BMPR2: variants seen among roughly 807,000 people sequenced by gnomAD.
BMPR2 encodes the protein bone morphogenetic protein receptor type 2.
A neutral mutation model predicts 100.8 loss-of-function variants in BMPR2; 29 were observed. The ratio of observed to expected loss-of-function variants is 0.29; its 90% CI spans 0.21 to 0.39. BMPR2 has a LOEUF of 0.39. BMPR2 is among the 10% of genes least tolerant of loss of function. The probability of loss-of-function intolerance (pLI) is 1.00; values close to 1 mark genes in which losing one functional copy is unlikely to be tolerated. For synonymous variants in BMPR2, 382 were observed against 442.3 expected (o/e 0.86, Z 1.71); for missense variants, 1,011 against 1,274.5 (o/e 0.79, Z 3.15).
chr2:202,455,643 G>GT (rs1476896076), intron 1 of BMPR2, among the ~76,000 whole-genome samples: 1 of 152,150 alleles, frequency 6.6e-6, no homozygotes, highest in Non-Finnish European at 1.5e-5. Flanking sequence ...GAAGTGGAGA[G>GT]TTTTTTGTTT....
At chr2:202,524,338 G>A (rs939870287) in intron 7 of BMPR2, among the ~76,000 whole-genome samples, 2 of 151,004 alleles carry the variant, frequency 1.3e-5, no homozygotes, top group African/African-American at 4.9e-5. Context: ...CTCCAGCCTG[G>A]GCGACAGATC....
intron 9 of BMPR2, among the ~76,000 whole-genome samples, chr2:202,541,236 T>C (rs1384429680): frequency 6.6e-6 from 1 of 151,946 alleles, no homozygotes; most frequent in Non-Finnish European, 1.5e-5. Flanking sequence ...AGGGCAGAAG[T>C]ATGAGACCAG....
chr2:202,538,245 G>A (rs1283583820), intron 9 of BMPR2, among the ~76,000 whole-genome samples: 1 of 152,090 alleles, frequency 6.6e-6, no homozygotes, highest in Non-Finnish European at 1.5e-5. Flanking sequence ...TTTGAGGTCA[G>A]GAGTTCGAAA....
chr2:202,412,633 T>G (rs1691037523), intron 1 of BMPR2, among the ~76,000 whole-genome samples: 1 of 152,182 alleles, frequency 6.6e-6, no homozygotes. Flanking sequence ...CTGTTATACT[T>G]TAAAAAATAT....
chr2:202,540,436 A>T lies in BMPR2; in HGVS notation c.1277-1875A>T, dbSNP rs188125436. Among the ~76,000 whole-genome samples the T allele has an allele frequency of 5.3e-4, 80 of 152,288 alleles. 1 individual carries two copies. The highest frequency in any genetic ancestry group is 4.6e-3 in the Admixed American group (71 of 15,286). On this transcript the variant is annotated intron_variant, in intron 9 of 12. Coordinates refer to ENST00000374580, the MANE Select transcript of BMPR2 (RefSeq NM_001204.7). ...CCTTTAATTTTATCTCTCAAGTTCA[A>T]TGTTGATGTTATTGATCAACACTAA...
At position 202,377,188 on chromosome 2, in the gene BMPR2, G is replaced by T; in HGVS notation, c.-287G>T. The T allele has an allele frequency of 1.7e-6, 1 of 593,334 alleles. No individual in the cohort carries two copies. The highest frequency in any genetic ancestry group is 3.0e-6 in the Non-Finnish European group (1 of 332,876). The allele number at this position is 593,334 out of a possible 1,614,324, so 36.8% of individuals were successfully genotyped here. On this transcript the variant is annotated 5_prime_UTR_variant, in exon 1 of 13. Coordinates refer to ENST00000374580, the MANE Select transcript of BMPR2 (RefSeq NM_001204.7). ...AAATAATTTGGGGGATTTCTTCTTG[G>T]CTCCCTGCTTTCCCCACAGACATGC...
intron 3 of BMPR2, among the ~76,000 whole-genome samples, chr2:202,468,219 GTAATT>G (rs941197321): frequency 2.0e-5 from 3 of 152,086 alleles, no homozygotes; most frequent in African/African-American, 7.2e-5. Context: ...GCTCATGCCT[GTAATT>G]TCAGCACTTT....
chr2:202,565,411 G>A lies in BMPR2; in HGVS notation c.*5465G>A, dbSNP rs1458201245. 1 of 152,280 alleles carries A rather than the reference G, an allele frequency of 6.6e-6. No individual in the cohort carries two copies. The highest frequency in any genetic ancestry group is 2.1e-4 in the South Asian group (1 of 4,826). 9.4% of individuals were successfully genotyped at this position (152,280 alleles called of 1,614,324 possible). ...ACTCCAGTTAAGTAATAGTTTGATA[G>A]TTTGATAGAATCGAGAGTTAAGATG... On this transcript the variant is annotated 3_prime_UTR_variant, in exon 13 of 13. Transcript: ENST00000374580.
At position 202,494,895 on chromosome 2, in the gene BMPR2, A is replaced by G. The variant is rs187442625; in HGVS notation, c.419-18824A>G. On this transcript the variant is annotated intron_variant, in intron 3 of 12. Coordinates refer to ENST00000374580, the MANE Select transcript of BMPR2 (RefSeq NM_001204.7). ...AAAGTTTTTATTTGAAATTTAACCA[A>G]TCATATGGTTTATAATGAAATGGGA... 3.9e-3 allele frequency among the ~76,000 whole-genome samples: 589 copies of G among 152,280 alleles called. 6 individuals are homozygous for G. The highest frequency in any genetic ancestry group is 0.013 in the African/African-American group (560 of 41,564).
Position 202,542,336 on chromosome 2 carries a change from G to A in BMPR2, c.1302G>A (p.Met434Ile), listed in dbSNP as rs759257550. The A allele has an allele frequency of 3.7e-5, 59 of 1,613,950 alleles. 1 individual carries two copies. Among genetic ancestry groups the A allele is most frequent in the South Asian group, 6.6e-5 (6 of 91,064 alleles). The change falls in exon 10 of 13, where the codon ATG becomes ATA. Residue 434 changes from methionine to isoleucine, a missense_variant. Met to Ile is a conservative substitution (Grantham distance 10, BLOSUM62 1). Transcript: ENST00000374580. ...FPGESVPEYQ[M>I]AFQTEVGNHP... ...GGGAATCCGTACCAGAGTACCAGAT[G>A]GCTTTTCAGACAGAGGTTGGAAACC...
At chr2:202,448,924 G>GGTGTGTGTGTGTGT (rs55680029) in intron 1 of BMPR2, among the ~76,000 whole-genome samples, 4 of 142,814 alleles carry the variant, frequency 2.8e-5, no homozygotes, top group Admixed American at 1.4e-4. Flanking sequence ...GTTTAGAATT[G>GGTGTGTGTGTGTGT]GTGTGTGTGT....
intron 1 of BMPR2, among the ~76,000 whole-genome samples, chr2:202,412,547 C>T (rs1406918452): frequency 1.3e-5 from 2 of 152,140 alleles, no homozygotes; most frequent in East Asian, 3.8e-4. Context: ...TCTTGATCTC[C>T]TGACCTCGTG....
chr2:202,556,051 G>A lies in BMPR2; in HGVS notation c.2386G>A (p.Ala796Thr), dbSNP rs1559074210. 4 of 1,614,040 alleles carry A rather than the reference G, an allele frequency of 2.5e-6. No homozygotes were observed. The highest frequency in any genetic ancestry group is 3.4e-6 in the Non-Finnish European group (4 of 1,180,048). ...TGVAKMNTIN[A>T]AEPHVVTVTM... Reference sequence around the variant, plus strand: ...AGTTGCCAAGATGAATACAATCAATGCAGCAGAACCTCATGTGGTGACAGT... The same window carrying A: ...AGTTGCCAAGATGAATACAATCAATACAGCAGAACCTCATGTGGTGACAGT... Residue 796 changes from alanine to threonine, a missense_variant, in exon 12 of 13, where the codon GCA (alanine) becomes ACA (threonine). By Grantham distance (58) the Ala-to-Thr change is moderately conservative (BLOSUM62 0). Around this residue, in one of 6 missense-constraint regions of BMPR2, gnomAD observed 508 missense variants for 552.0 expected, o/e 0.92. Coordinates refer to ENST00000374580, the MANE Select transcript of BMPR2 (RefSeq NM_001204.7).
chr2:202,561,325 T>C lies in BMPR2; in HGVS notation c.*1379T>C, dbSNP rs1164838661. On this transcript the variant is annotated 3_prime_UTR_variant, in exon 13 of 13. Transcript: ENST00000374580. ...CCAGTTTTTCACATTATCTTTGATA[T>C]GTGAGCAACATTTATTATTTACATT... 1 of 152,168 alleles carries C rather than the reference T, an allele frequency of 6.6e-6. No homozygotes were observed. Among genetic ancestry groups the C allele is most frequent in the African/African-American group, 2.4e-5 (1 of 41,470 alleles). The allele number at this position is 152,168 out of a possible 1,614,324, so 9.4% of individuals were successfully genotyped here.
chr2:202,538,751 G>A (rs542928586), intron 9 of BMPR2, among the ~76,000 whole-genome samples: 13 of 142,122 alleles, frequency 9.1e-5, no homozygotes, highest in African/African-American at 3.5e-4. Context: ...CAGAGATCGC[G>A]CCACCGCACT....
chr2:202,421,633 C>A (rs1435304915), intron 1 of BMPR2, among the ~76,000 whole-genome samples: 1 of 144,642 alleles, frequency 6.9e-6, no homozygotes, highest in East Asian at 2.0e-4. Context: ...CAGAGTGAGA[C>A]TCCGTCTCAA....
At chr2:202,466,317 C>T (rs1024236653) in intron 2 of BMPR2, among the ~76,000 whole-genome samples, 2 of 152,020 alleles carry the variant, frequency 1.3e-5, no homozygotes, top group Non-Finnish European at 2.9e-5. Flanking sequence ...GATGGAGTCT[C>T]GCTCTGTTAC....
rs1688557069 is a variant in BMPR2 at position 202,555,752 on chromosome 2, C to T, written c.2087C>T (p.Pro696Leu). ...MEHSLKQFSG[P>L]DPLSSTSSSL... Reference sequence around the variant, plus strand: ...CACTCTCTTAAACAGTTCAGTGGCCCAGACCCACTGAGCAGTACTAGTTCT... The same window carrying T: ...CACTCTCTTAAACAGTTCAGTGGCCTAGACCCACTGAGCAGTACTAGTTCT... The change falls in exon 12 of 13, where the codon CCA becomes CTA. Residue 696 changes from proline (P) to leucine (L), a missense_variant. Physicochemically the swap from Pro to Leu is moderately conservative, Grantham distance 98 (BLOSUM62 -3). Around this residue, in one of 6 missense-constraint regions of BMPR2, gnomAD observed 508 missense variants for 552.0 expected, o/e 0.92. Transcript: ENST00000374580. 4 of 1,614,000 alleles carry T rather than the reference C, an allele frequency of 2.5e-6. No homozygotes were observed. The highest frequency in any genetic ancestry group is 3.4e-6 in the Non-Finnish European group (4 of 1,180,052).
chr2:202,474,521 GTTAT>G (rs907343659), intron 3 of BMPR2, among the ~76,000 whole-genome samples: 1 of 151,802 alleles, frequency 6.6e-6, no homozygotes, highest in African/African-American at 2.4e-5. Context: ...CTGTGGAAAG[GTTAT>G]TTTTTATTTT....
Sources: gnomAD v4.1 joint callset for allele counts (sites outside exome capture counted in the v4.1 genomes callset) on GRCh38, gnomAD v4.1.1 for gene constraint, gnomAD v4.1.1 regional missense constraint, MANE v1.5 for transcripts, NCBI Gene and HGNC (gene_info 2026-07-23, HGNC 2026-07-21) for gene names.